Variants in FOXP1 observed in about 807,000 individuals in gnomAD.
FOXP1 encodes forkhead box P1, also known as forkhead box protein P1.
In FOXP1, 15 loss-of-function variants were observed where a neutral mutation model predicts 98.2. The ratio of observed to expected loss-of-function variants is 0.15; its 90% CI spans 0.10 to 0.24. The LOEUF (loss-of-function observed/expected upper bound fraction) is 0.24, where lower values mean the gene tolerates loss of function less well. FOXP1 is among the 10% of genes least tolerant of loss of function. The pLI, the probability that FOXP1 is intolerant of heterozygous loss-of-function variation, is 1.00. For missense variants in FOXP1, 633 were observed against 848.5 expected, an observed-to-expected ratio of 0.75 and a Z score of 3.15; for synonymous variants, 371 against 314.5, an observed-to-expected ratio of 1.18 and a Z score of -1.90.
At chr3:71,289,506 C>T (rs916931974) in intron 5 of FOXP1, 45 of 152,064 alleles carry the variant, frequency 3.0e-4, no homozygotes, top group African/African-American at 1.1e-3. Flanking sequence ...GGTGTGAGCC[C>T]CCATGCTCAG....
At chr3:71,271,060 G>A (rs1245301602) in intron 5 of FOXP1, among the ~76,000 whole-genome samples, 1 of 152,126 alleles carries the variant, frequency 6.6e-6, no homozygotes, top group Non-Finnish European at 1.5e-5. Flanking sequence ...GTGAAACCCC[G>A]ACTCTGCTAA....
chr3:71,513,453 C>T (rs1444658654), intron 2 of FOXP1, among the ~76,000 whole-genome samples: 5 of 152,144 alleles, frequency 3.3e-5, no homozygotes, highest in East Asian at 1.9e-4. Flanking sequence ...TACCAACTTC[C>T]TGGTCACAGC....
chr3:71,350,685 A>G (rs1469130955), intron 4 of FOXP1, among the ~76,000 whole-genome samples: 1 of 152,202 alleles, frequency 6.6e-6, no homozygotes, highest in Admixed American at 6.5e-5. Context: ...ACTTTCTGGG[A>G]AAACTCCCAT....
intron 3 of FOXP1, among the ~76,000 whole-genome samples, chr3:71,434,145 G>A (rs1239731436): frequency 6.6e-6 from 1 of 152,200 alleles, no homozygotes; most frequent in Non-Finnish European, 1.5e-5. Context: ...TGACTTTTAA[G>A]GAGTTTACAG....
rs763413735 is a variant in FOXP1 at position 70,977,833 on chromosome 3, G to A, written c.1343C>T (p.Ser448Leu). 4.3e-6 allele frequency: 7 copies of A among 1,613,996 alleles called. No homozygotes were observed. In the Admixed American group the frequency reaches 6.7e-5, roughly 15 times the overall value. ...GCAAAAGGTGGAGTATCTACCTGAC[G>A]AAATGGGCACGTTGTATTTGTCTGA... Reference protein sequence around the residue: ...RYSDKYNVPISSADIAQNQEF... With the variant: ...RYSDKYNVPILSADIAQNQEF... The change falls in exon 15 of 21, where the codon TCG becomes TTG. Residue 448 changes from serine (S) to leucine (L), a missense_variant. By Grantham distance (145) the Ser-to-Leu change is moderately radical. Coordinates refer to ENST00000649528, the MANE Select transcript of FOXP1 (RefSeq NM_001349338.3).
chr3:71,579,006 T>C (rs6808430), intron 2 of FOXP1, among the ~76,000 whole-genome samples: 16,727 of 152,186 alleles, frequency 0.11, 1,406 homozygotes, highest in African/African-American at 0.24. Context: ...TAAAGGTATA[T>C]CTAGTAAAAA....
At chr3:71,008,407 G>T (rs1047210237) in intron 12 of FOXP1, among the ~76,000 whole-genome samples, 2 of 152,118 alleles carry the variant, frequency 1.3e-5, no homozygotes, top group African/African-American at 4.8e-5. Flanking sequence ...ATGGAAGAAC[G>T]CCGATGAGCT....
intron 20 of FOXP1, among the ~76,000 whole-genome samples, chr3:70,962,905 G>A (rs1376792666): frequency 6.6e-6 from 1 of 152,040 alleles, no homozygotes; most frequent in African/African-American, 2.4e-5. Context: ...AAAAAATCAG[G>A]TGCATGTAAA....
chr3:71,130,366 G>A, intron 6 of FOXP1: 1 of 829,246 alleles, frequency 1.2e-6, no homozygotes, highest in Non-Finnish European at 1.9e-6. Flanking sequence ...AGGAGGGAAG[G>A]GGGAGGAAAA....
At chr3:71,440,077 G>A (rs1312404057) in intron 3 of FOXP1, among the ~76,000 whole-genome samples, 2 of 152,134 alleles carry the variant, frequency 1.3e-5, no homozygotes. Context: ...TTTATATGAG[G>A]TATCTAGAGT....
At position 71,198,345 on chromosome 3, in the gene FOXP1, C is replaced by G. The variant is rs1202112901; in HGVS notation, c.37G>C (p.Gly13Arg). 1 of 1,551,642 alleles carries G rather than the reference C, an allele frequency of 6.4e-7. No homozygotes were observed. Among genetic ancestry groups the G allele is most frequent in the Non-Finnish European group, 8.7e-7 (1 of 1,143,628 alleles). The change falls in exon 6 of 21, where the codon GGT becomes CGT. Residue 13 changes from glycine (G) to arginine (R), a missense_variant. Physicochemically the swap from Gly to Arg is moderately radical, Grantham distance 125. Around this residue, in one of 6 missense-constraint regions of FOXP1, gnomAD observed 103 missense variants for 85.5 expected, o/e 1.20. Transcript: ENST00000649528. ...CCCGACCCATTCTGGATGGCTGAAC[C>G]GTTACTTTTTGTCTCAGTCCCAGAT... ...QESGTETKSN[G>R]SAIQNGSGGS...
At chr3:70,968,445 C>G (rs2035460425) in intron 19 of FOXP1, 1 of 146,360 alleles carries the variant, frequency 6.8e-6, no homozygotes, top group Non-Finnish European at 1.5e-5. Flanking sequence ...TATAAATGGT[C>G]CTTGCACAGC....
intron 4 of FOXP1, among the ~76,000 whole-genome samples, chr3:71,322,136 G>A (rs192834337): frequency 1.8e-4 from 27 of 152,266 alleles, no homozygotes; most frequent in East Asian, 9.6e-4. Flanking sequence ...CATTCATTCC[G>A]TTGTTTAGCA....
At chr3:71,068,160 A>G (rs1230321581) in intron 7 of FOXP1, among the ~76,000 whole-genome samples, 1 of 152,146 alleles carries the variant, frequency 6.6e-6, no homozygotes, top group East Asian at 1.9e-4. Flanking sequence ...CTCTTGTTCA[A>G]ACACCACATA....
At chr3:71,002,651 A>G (rs568151834) in intron 12 of FOXP1, among the ~76,000 whole-genome samples, 79 of 152,162 alleles carry the variant, frequency 5.2e-4, no homozygotes, top group Non-Finnish European at 9.7e-4. Flanking sequence ...GTTTTAGCCT[A>G]TGTTTTGGGG....
At chr3:71,480,492 C>A (rs962313032) in intron 3 of FOXP1, among the ~76,000 whole-genome samples, 1 of 152,214 alleles carries the variant, frequency 6.6e-6, no homozygotes, top group East Asian at 1.9e-4. Flanking sequence ...CACAATGTTT[C>A]GTTCCCAAAT....
intron 3 of FOXP1, among the ~76,000 whole-genome samples, chr3:71,411,879 C>T (rs900088388): frequency 2.1e-4 from 32 of 152,188 alleles, no homozygotes; most frequent in African/African-American, 6.8e-4. Context: ...GTAGGGGAAG[C>T]GGGCATCCCA....
chr3:71,277,427 T>C (rs938911578), intron 5 of FOXP1, among the ~76,000 whole-genome samples: 1 of 152,184 alleles, frequency 6.6e-6, no homozygotes, highest in Non-Finnish European at 1.5e-5. Flanking sequence ...CCATTGCATA[T>C]ATACAGCACA....
chr3:71,160,744 T>C (rs1177476144), intron 6 of FOXP1, among the ~76,000 whole-genome samples: 1 of 152,224 alleles, frequency 6.6e-6, no homozygotes, highest in East Asian at 1.9e-4. Context: ...AGCATTTTAT[T>C]GGGCATCTGT....
Sources: allele counts gnomAD v4.1 joint callset (sites outside exome capture counted in the v4.1 genomes callset), GRCh38; gene constraint gnomAD v4.1.1; regional missense constraint gnomAD v4.1.1; transcripts MANE v1.5; gene names NCBI Gene and HGNC (gene_info 2026-07-23, HGNC 2026-07-21).